The following SYNE1 variants were observed in gnomAD, a reference collection of about 807,000 sequenced individuals.
SYNE1 encodes the protein nesprin-1.
A neutral mutation model predicts 1,111.0 loss-of-function variants in SYNE1; 616 were observed. That is an observed-to-expected ratio of 0.55 (90% CI 0.52 to 0.59). The LOEUF (loss-of-function observed/expected upper bound fraction) is 0.59. Among genes scored for constraint, SYNE1 ranks in the 20% least tolerant of loss-of-function variants. The pLI is 0.00. For missense variants in SYNE1, 10,006 were observed against 10,417.0 expected (o/e 0.96, Z 1.72); for synonymous variants, 3,855 against 3,825.8 (o/e 1.01, Z -0.28).
chr6:152,455,022 C>T (rs981640782), intron 24 of SYNE1, among the ~76,000 whole-genome samples: 1 of 152,080 alleles, frequency 6.6e-6, no homozygotes, highest in Non-Finnish European at 1.5e-5. Context: ...GTATCAGCCA[C>T]CAGACTTCAA....
intron 144 of SYNE1, among the ~76,000 whole-genome samples, chr6:152,131,279 T>C (rs2055538773): frequency 6.6e-6 from 1 of 150,966 alleles, no homozygotes; most frequent in Admixed American, 6.6e-5. Context: ...GAAAAGCCAG[T>C]ATTCCTTCAC....
intron 32 of SYNE1, among the ~76,000 whole-genome samples, chr6:152,436,683 T>C (rs1267180867): frequency 1.3e-5 from 2 of 152,208 alleles, no homozygotes; most frequent in Non-Finnish European, 2.9e-5. Context: ...TCTCCTTTGT[T>C]TCCTGGTTTT....
chr6:152,309,818 G>T lies in SYNE1; in HGVS notation c.17202+17C>A. 1 of 1,613,046 alleles carries T rather than the reference G, an allele frequency of 6.2e-7. No homozygotes were observed. Among genetic ancestry groups the T allele is most frequent in the South Asian group, 1.1e-5 (1 of 91,008 alleles). Reference sequence around the variant, plus strand: ...TCATCAGCAATTGCTCTACTGGTGTGGGTACCCTGCACCTGCCTGCATGAT... The same window carrying T: ...TCATCAGCAATTGCTCTACTGGTGTTGGTACCCTGCACCTGCCTGCATGAT... On this transcript the variant is annotated intron_variant, in intron 90 of 145. Transcript: ENST00000367255.
intron 130 of SYNE1, chr6:152,167,779 T>C: frequency 3.5e-6 from 2 of 565,852 alleles, no homozygotes; most frequent in Non-Finnish European, 7.1e-6. Flanking sequence ...ATGGACTAAC[T>C]GAGTCTTTTT....
chr6:152,573,691 A>G (rs770872365), intron 3 of SYNE1, among the ~76,000 whole-genome samples: 1 of 152,066 alleles, frequency 6.6e-6, no homozygotes, highest in Admixed American at 6.6e-5. Flanking sequence ...TTCTGCCTAC[A>G]TTTTCTGAAG....
At chr6:152,518,296 G>A (rs1445029635) in intron 6 of SYNE1, among the ~76,000 whole-genome samples, 2 of 151,384 alleles carry the variant, frequency 1.3e-5, no homozygotes, top group African/African-American at 2.4e-5. Flanking sequence ...CCCCAATGTT[G>A]AAAGTGAACC....
At chr6:152,284,272 G>T in intron 95 of SYNE1, 100 bp from the exon 96 acceptor site, 1 of 1,211,298 alleles carries the variant, frequency 8.3e-7, no homozygotes, top group Non-Finnish European at 1.2e-6. Flanking sequence ...TAGCGGAAGA[G>T]ATTTCACCTG....
chr6:152,416,498 T>C lies in SYNE1; in HGVS notation c.5939A>G (p.Lys1980Arg). 2 of 1,614,104 alleles carry C rather than the reference T, an allele frequency of 1.2e-6. No homozygotes were observed. Among genetic ancestry groups the C allele is most frequent in the Non-Finnish European group, 1.7e-6 (2 of 1,180,000 alleles). ...QSEADALAVL[K>R]KAFQDQKEEL... ...CTCTTTCTGGTCTTGGAATGCTTTTTTCAACACTGCCAGAGCATCTGCCTC... is the reference window on the plus strand; with the variant it reads ...CTCTTTCTGGTCTTGGAATGCTTTTCTCAACACTGCCAGAGCATCTGCCTC... Residue 1980 changes from lysine to arginine, a missense_variant, in exon 41 of 146, where the codon AAA becomes AGA. This residue lies in a region of SYNE1 where 4,955 missense variants were observed against 5,017.2 expected (regional missense o/e 0.99). Coordinates refer to ENST00000367255, the MANE Select transcript of SYNE1 (RefSeq NM_182961.4).
At chr6:152,554,845 C>A (rs2099359603) in intron 3 of SYNE1, among the ~76,000 whole-genome samples, 1 of 152,178 alleles carries the variant, frequency 6.6e-6, no homozygotes, top group South Asian at 2.1e-4. Flanking sequence ...GGCATGTAGG[C>A]AGAATCTGGG....
chr6:152,475,233 G>A (rs924091953), intron 14 of SYNE1, among the ~76,000 whole-genome samples: 1 of 152,112 alleles, frequency 6.6e-6, no homozygotes, highest in Admixed American at 6.5e-5. Context: ...AGCATTATAA[G>A]TACAGTCACT....
intron 3 of SYNE1, among the ~76,000 whole-genome samples, chr6:152,608,588 A>T (rs531511065): frequency 6.6e-6 from 1 of 152,306 alleles, no homozygotes; most frequent in African/African-American, 2.4e-5. Flanking sequence ...CCTTAACTAA[A>T]TGCTTGACTT....
intron 3 of SYNE1, among the ~76,000 whole-genome samples, chr6:152,592,169 G>T (rs563417025): frequency 6.6e-6 from 1 of 152,100 alleles, no homozygotes; most frequent in African/African-American, 2.4e-5. Flanking sequence ...TTATTACTGG[G>T]TGTATGCTGG....
At chr6:152,201,748 T>C in intron 127 of SYNE1, 76 bp downstream of exon 127, 1 of 1,608,372 alleles carries the variant, frequency 6.2e-7, no homozygotes, top group Non-Finnish European at 8.5e-7. Context: ...CCTAAGAGTT[T>C]GACTGGATTA....
chr6:152,139,807 T>A, intron 140 of SYNE1, 143 bp downstream of exon 140: 1 of 787,548 alleles, frequency 1.3e-6, no homozygotes, highest in Non-Finnish European at 2.2e-6. Context: ...TGGCTGGAGG[T>A]GAGGAGAGCA....
chr6:152,279,671 T>G (rs2093903913), intron 97 of SYNE1, among the ~76,000 whole-genome samples: 1 of 147,180 alleles, frequency 6.8e-6, no homozygotes. Context: ...GGGCTGAGGT[T>G]GCACCACTGC....
intron 41 of SYNE1, 22 bp downstream of exon 41, chr6:152,416,365 G>T: frequency 2.5e-6 from 4 of 1,612,892 alleles, no homozygotes; most frequent in Non-Finnish European, 2.5e-6. Context: ...GAGACAAGTG[G>T]CCGTGACAGT....
At chr6:152,419,847 C>T in intron 39 of SYNE1, 125 bp from the exon 40 acceptor site, 1 of 940,028 alleles carries the variant, frequency 1.1e-6, no homozygotes, top group Non-Finnish European at 1.6e-6. Context: ...CACTCTATAC[C>T]TCTTGATATT....
At chr6:152,338,729 G>A (rs971472705) in intron 75 of SYNE1, among the ~76,000 whole-genome samples, 2 of 152,198 alleles carry the variant, frequency 1.3e-5, no homozygotes, top group African/African-American at 4.8e-5. Context: ...GCTGCCATCT[G>A]TCTGTGTGGG....
In SYNE1 at chr6:152,359,492, T is replaced by G. The variant is rs371374606; in HGVS notation, c.10300-34A>C. 58 of 1,613,746 alleles carry G rather than the reference T, an allele frequency of 3.6e-5. No homozygotes were observed. In the African/African-American group the frequency reaches 7.1e-4, roughly 20 times the overall value. The stretch of plus-strand genomic sequence containing the variant: ...CATTTAAGAAAAATAAAGTGGCCAT[T>G]CATGCACCATCACATCAACGACACT... On this transcript the variant is annotated intron_variant, in intron 64 of 145. Coordinates refer to ENST00000367255, the MANE Select transcript of SYNE1 (RefSeq NM_182961.4).
Sources: gnomAD v4.1 joint callset for allele counts (sites outside exome capture counted in the v4.1 genomes callset) on GRCh38, gnomAD v4.1.1 for gene constraint, gnomAD v4.1.1 regional missense constraint, MANE v1.5 for transcripts, NCBI Gene and HGNC (gene_info 2026-07-23, HGNC 2026-07-21) for gene names.